The following PAX3 variants were observed in gnomAD, a reference collection of about 807,000 sequenced individuals.
The protein encoded by PAX3 is paired box protein Pax-3.
In PAX3, 14 loss-of-function variants were observed where a neutral mutation model predicts 51.6. The ratio of observed to expected loss-of-function variants is 0.27; its 90% confidence interval spans 0.18 to 0.42. The LOEUF is 0.42. Among genes scored for constraint, PAX3 ranks in the 10% least tolerant of loss-of-function variants. PAX3 has a pLI of 1.00. For synonymous variants in PAX3, 280 were observed against 253.4 expected (o/e 1.11, Z -1.00); for missense variants, 540 against 642.8 (o/e 0.84, Z 1.73).
Position 222,202,148 on chromosome 2 carries a change from G to T in PAX3, c.1216C>A (p.Pro406Thr). 1 of 1,610,182 alleles carries T rather than the reference G, an allele frequency of 6.2e-7. No homozygotes were observed. Among genetic ancestry groups the T allele is most frequent in the Admixed American group, 1.7e-5 (1 of 59,428 alleles). The change falls in exon 8 of 9, where the codon CCC becomes ACC. Residue 406 changes from proline to threonine, a missense_variant. Transcript: ENST00000392070. Reference sequence around the variant, plus strand: ...GGGGAGAGCGCGTAATCAGTCTGGGGCTGATGAGGTACCCCACCGTGGTTG... The same window carrying T: ...GGGGAGAGCGCGTAATCAGTCTGGGTCTGATGAGGTACCCCACCGTGGTTG... ...LTNHGGVPHQ[P>T]QTDYALSPLT...
At chr2:222,292,332 G>C (rs559855781) in intron 4 of PAX3, among the ~76,000 whole-genome samples, 1 of 152,248 alleles carries the variant, frequency 6.6e-6, no homozygotes, top group African/African-American at 2.4e-5. Flanking sequence ...AAGCTGCTCC[G>C]AGCTGGAGCT....
intron 4 of PAX3, among the ~76,000 whole-genome samples, chr2:222,244,017 G>A (rs942571598): frequency 6.6e-5 from 10 of 152,174 alleles, no homozygotes; most frequent in African/African-American, 2.2e-4. Context: ...AGAAGAGAGT[G>A]TGATTCCTCC....
intron 4 of PAX3, among the ~76,000 whole-genome samples, chr2:222,247,792 AT>A (rs962999427): frequency 1.3e-4 from 19 of 151,562 alleles, no homozygotes; most frequent in African/African-American, 1.7e-4. Flanking sequence ...GGAAAAAAAA[AT>A]TTTTTTTTAG....
intron 4 of PAX3, among the ~76,000 whole-genome samples, chr2:222,288,781 T>A (rs1340968634): frequency 1.3e-5 from 2 of 152,340 alleles, no homozygotes; most frequent in South Asian, 4.1e-4. Context: ...AACATGTAAC[T>A]GGTTTCAGTT....
At chr2:222,235,005 A>T (rs940075506) in intron 4 of PAX3, among the ~76,000 whole-genome samples, 9 of 152,140 alleles carry the variant, frequency 5.9e-5, no homozygotes, top group African/African-American at 2.2e-4. Context: ...TTGCTTGTAC[A>T]TTCTCTTACT....
chr2:222,297,234 G>A (rs1251039183), intron 1 of PAX3, 21 bp from the exon 2 acceptor site: 16 of 1,523,120 alleles, frequency 1.1e-5, no homozygotes, highest in African/African-American at 1.4e-5. Flanking sequence ...GTGAAAAAGA[G>A]AAGCAAGGGA....
chr2:222,283,976 G>T (rs961895443), intron 4 of PAX3, among the ~76,000 whole-genome samples: 5 of 152,208 alleles, frequency 3.3e-5, no homozygotes, highest in Non-Finnish European at 5.9e-5. Context: ...CTCTCACACT[G>T]CACCCCAATA....
At chr2:222,237,535 T>C (rs778417585) in intron 4 of PAX3, among the ~76,000 whole-genome samples, 16 of 152,194 alleles carry the variant, frequency 1.1e-4, no homozygotes, top group Non-Finnish European at 1.8e-4. Context: ...ATCCAAACGA[T>C]TTTCCAGTGG....
chr2:222,254,742 C>T lies in PAX3; in HGVS notation c.587-22459G>A, dbSNP rs557785107. 1.3e-3 allele frequency among the ~76,000 whole-genome samples: 191 copies of T among 152,122 alleles called. 2 individuals are homozygous for T. The South Asian group carries it at 0.027, about 21-fold the overall frequency. On this transcript the variant is annotated intron_variant, in intron 4 of 8. Coordinates refer to ENST00000392070, the MANE Select transcript of PAX3 (RefSeq NM_181458.4). ...ACATCAACATGGCATTTATCATAGACTCTCATATATTTAAGGCTCACTATT... is the reference window on the plus strand; with the variant it reads ...ACATCAACATGGCATTTATCATAGATTCTCATATATTTAAGGCTCACTATT...
At chr2:222,291,969 G>GGTGTGTGTGTGTGT (rs3997675) in intron 4 of PAX3, among the ~76,000 whole-genome samples, 25 of 133,724 alleles carry the variant, frequency 1.9e-4, no homozygotes, top group African/African-American at 2.8e-4. Flanking sequence ...CAGCCTCCAA[G>GGTGTGTGTGTGTGT]GTGTGTGTGT....
intron 5 of PAX3, 101 bp downstream of exon 5, chr2:222,231,976 TA>T: frequency 9.8e-7 from 1 of 1,024,872 alleles, no homozygotes; most frequent in Non-Finnish European, 1.5e-6. Flanking sequence ...GGGCCATTCC[TA>T]ATACATTTTT....
chr2:222,221,932 A>G (rs1675885917), intron 5 of PAX3, among the ~76,000 whole-genome samples: 1 of 151,846 alleles, frequency 6.6e-6, no homozygotes, highest in African/African-American at 2.4e-5. Context: ...CAAAATATGA[A>G]ACATTGCACT....
chr2:222,247,851 G>T (rs1211995890), intron 4 of PAX3, among the ~76,000 whole-genome samples: 2 of 151,954 alleles, frequency 1.3e-5, no homozygotes, highest in Non-Finnish European at 2.9e-5. Context: ...ATGCTGTTTT[G>T]TTTCTGATTT....
chr2:222,280,578 A>C (rs934027113), intron 4 of PAX3, among the ~76,000 whole-genome samples: 1 of 152,192 alleles, frequency 6.6e-6, no homozygotes, highest in South Asian at 2.1e-4. Context: ...CCTACTTTTT[A>C]CTGACAACTC....
At chr2:222,265,454 C>A (rs1400085575) in intron 4 of PAX3, among the ~76,000 whole-genome samples, 2 of 152,086 alleles carry the variant, frequency 1.3e-5, no homozygotes, top group Non-Finnish European at 2.9e-5. Flanking sequence ...GAGATCCAGA[C>A]CATCCTGGCT....
intron 4 of PAX3, among the ~76,000 whole-genome samples, chr2:222,235,176 C>T (rs904721716): frequency 7.2e-5 from 11 of 152,182 alleles, no homozygotes; most frequent in Non-Finnish European, 1.6e-4. Flanking sequence ...GTTAGATTTA[C>T]AAGCACCAGC....
rs113772412 is a variant in PAX3 at position 222,245,718 on chromosome 2, C to A, written c.587-13435G>T. ...GGCACTGTGGCTCACACCTGTAAAC[C>A]CAGCACTTTGGGAGGCCAAGGCAAG... is the stretch of plus-strand genomic sequence containing the variant. On this transcript the variant is annotated intron_variant, in intron 4 of 8. Transcript: ENST00000392070. Among the ~76,000 whole-genome samples, 9 of 151,830 alleles carry A rather than the reference C, an allele frequency of 5.9e-5. 1 individual carries two copies. The highest frequency in any genetic ancestry group is 2.2e-4 in the African/African-American group (9 of 41,368).
chr2:222,257,417 G>A (rs541898166), intron 4 of PAX3, among the ~76,000 whole-genome samples: 24 of 152,226 alleles, frequency 1.6e-4, no homozygotes, highest in South Asian at 1.2e-3. Flanking sequence ...TTCTACCCCA[G>A]CAGCTACAAA....
chr2:222,257,772 G>A (rs928158224), intron 4 of PAX3, among the ~76,000 whole-genome samples: 3 of 152,242 alleles, frequency 2.0e-5, no homozygotes, highest in Non-Finnish European at 4.4e-5. Context: ...GGCCTCCTGA[G>A]GCTCAAGGCA....
Sources: allele counts gnomAD v4.1 joint callset (sites outside exome capture counted in the v4.1 genomes callset), GRCh38; gene constraint gnomAD v4.1.1; transcripts MANE v1.5; gene names NCBI Gene and HGNC (gene_info 2026-07-23, HGNC 2026-07-21).